The following TENM2 variants were observed in gnomAD, a reference collection of about 807,000 sequenced individuals.
TENM2 encodes teneurin-2.
Under a neutral mutation model 245.2 loss-of-function variants are expected in TENM2, and 52 were observed. That is an observed-to-expected ratio of 0.21 (90% CI 0.17 to 0.27). The LOEUF (loss-of-function observed/expected upper bound fraction) is 0.27. TENM2 is among the 10% of genes least tolerant of loss of function. The pLI, the probability that TENM2 is intolerant of heterozygous loss-of-function variation, is 1.00. For synonymous variants in TENM2, 1,363 were observed against 1,438.9 expected, an observed-to-expected ratio of 0.95 and a Z score of 1.19; for missense variants, 3,046 against 3,666.8, an observed-to-expected ratio of 0.83 and a Z score of 4.37.
chr5:167,346,375 G>T (rs932699746), intron 1 of TENM2, among the ~76,000 whole-genome samples: 4 of 152,098 alleles, frequency 2.6e-5, no homozygotes, highest in Non-Finnish European at 4.4e-5. Flanking sequence ...AGAGAATGAG[G>T]GAAGTAATGA....
intron 8 of TENM2, among the ~76,000 whole-genome samples, chr5:168,094,944 G>A (rs1489492813): frequency 1.3e-5 from 2 of 151,868 alleles, no homozygotes; most frequent in Non-Finnish European, 2.9e-5. Context: ...AACTGTGCAT[G>A]CGAGGGATCT....
chr5:167,785,737 G>T (rs1456832418), intron 2 of TENM2, among the ~76,000 whole-genome samples: 1 of 152,164 alleles, frequency 6.6e-6, no homozygotes, highest in Admixed American at 6.5e-5. Context: ...TTAGAAACTG[G>T]CAAATCAGAG....
chr5:167,829,909 A>C (rs1179894629), intron 2 of TENM2, among the ~76,000 whole-genome samples: 1 of 152,206 alleles, frequency 6.6e-6, no homozygotes, highest in African/African-American at 2.4e-5. Context: ...AGTGAAGGCC[A>C]CAAAGGGCTG....
intron 13 of TENM2, among the ~76,000 whole-genome samples, chr5:168,168,575 TC>T (rs1562240680): frequency 6.6e-6 from 1 of 151,550 alleles, no homozygotes; most frequent in Non-Finnish European, 1.5e-5. Flanking sequence ...TTCCAGCTAC[TC>T]AGGAGGCCGA....
At chr5:167,044,035 CAGAAGGAA>C in the TENM2 span, among the ~76,000 whole-genome samples, 2 of 73,442 alleles carry the variant, frequency 2.7e-5, no homozygotes, top group Non-Finnish European at 6.4e-5. Flanking sequence ...ATAGTAAGGA[CAGAAGGAA>C]GGAAGGAAGG....
chr5:167,577,678 C>T (rs1207191128), intron 2 of TENM2, among the ~76,000 whole-genome samples: 1 of 151,766 alleles, frequency 6.6e-6, no homozygotes, highest in East Asian at 1.9e-4. Context: ...ATTCTACTTT[C>T]TAGTAAAGTT....
At chr5:167,895,000 A>AG (rs1775097606) in intron 3 of TENM2, among the ~76,000 whole-genome samples, 2 of 111,642 alleles carry the variant, frequency 1.8e-5, no homozygotes, top group East Asian at 3.4e-4. Context: ...GAGGGAAGGA[A>AG]GGAAGGAAGG....
the TENM2 span, among the ~76,000 whole-genome samples, chr5:167,227,468 G>T: frequency 6.6e-6 from 1 of 151,874 alleles, no homozygotes; most frequent in Non-Finnish European, 1.5e-5. Flanking sequence ...GAATTCCCTC[G>T]GTCTTTACTT....
intron 4 of TENM2, among the ~76,000 whole-genome samples, chr5:167,974,527 T>C (rs944552319): frequency 2.5e-4 from 38 of 152,296 alleles, no homozygotes; most frequent in African/African-American, 7.0e-4. Flanking sequence ...TTGATAATTA[T>C]CTGCATAACA....
exon 24 of TENM2, chr5:168,226,153 G>T: frequency 6.2e-7 from 1 of 1,613,578 alleles, no homozygotes; most frequent in African/African-American, 1.3e-5. Context: ...AGTCTGCACC[G>T]GGAAATGGAG....
chr5:166,992,909 C>T, the TENM2 span, among the ~76,000 whole-genome samples: 2 of 152,144 alleles, frequency 1.3e-5, no homozygotes, highest in African/African-American at 4.8e-5. Context: ...ATAAAGCTTC[C>T]TCAGCTAAGT....
chr5:167,932,926 G>A (rs980193265), intron 3 of TENM2, among the ~76,000 whole-genome samples: 4 of 152,140 alleles, frequency 2.6e-5, no homozygotes, highest in Non-Finnish European at 5.9e-5. Flanking sequence ...ATTGAAAAGA[G>A]CTAAACTCTA....
the TENM2 span, among the ~76,000 whole-genome samples, chr5:167,155,910 A>G: frequency 5.3e-5 from 8 of 152,188 alleles, no homozygotes; most frequent in Non-Finnish European, 1.0e-4. Flanking sequence ...CTCTTCTTCT[A>G]AACGATTCCC....
intron 5 of TENM2, among the ~76,000 whole-genome samples, chr5:168,040,757 A>T (rs1311373644): frequency 2.0e-5 from 3 of 152,228 alleles, no homozygotes; most frequent in Non-Finnish European, 4.4e-5. Flanking sequence ...AATACATTGC[A>T]GTGGGCCCCC....
rs370751824 is a variant in TENM2, at chr5:168,243,639, A to C, written c.5521-781A>C. On this transcript the variant is annotated intron_variant, in intron 25 of 28. Coordinates refer to ENST00000518659, the Ensembl canonical transcript of TENM2. The stretch of plus-strand genomic sequence containing the variant: ...AGCTTCTCAGCTAATGATGTGCCAA[A>C]AAGAGTTCCAAGTGTGCAAATATGC... Among the ~76,000 whole-genome samples the C allele has an allele frequency of 1.4e-4, 22 of 152,350 alleles. No individual in the cohort carries two copies. In the East Asian group the frequency reaches 4.1e-3, roughly 28 times the overall value.
At chr5:167,894,669 A>G (rs774259907) in intron 3 of TENM2, among the ~76,000 whole-genome samples, 1 of 151,976 alleles carries the variant, frequency 6.6e-6, no homozygotes, top group Non-Finnish European at 1.5e-5. Flanking sequence ...TCAACACCCA[A>G]CAGTGCCCTG....
intron 3 of TENM2, among the ~76,000 whole-genome samples, chr5:167,917,380 C>G (rs1777034286): frequency 6.6e-6 from 1 of 152,060 alleles, no homozygotes; most frequent in African/African-American, 2.4e-5. Flanking sequence ...ATTGGGCGCT[C>G]TAAACCCAGT....
Position 167,326,709 on chromosome 5 carries a change from A to G in TENM2, c.226+41646A>G, listed in dbSNP as rs1457874640. ...TAATTATAATAATAAATAAATATAT[A>G]TATATATATATATAAAATAAAGTCA... On this transcript the variant is annotated intron_variant, in intron 1 of 28. Coordinates refer to ENST00000518659, the Ensembl canonical transcript of TENM2. Among the ~76,000 whole-genome samples, 12 of 147,476 alleles carry G rather than the reference A, an allele frequency of 8.1e-5. No homozygotes were observed. The South Asian group carries it at 1.9e-3, about 23-fold the overall frequency.
intron 2 of TENM2, among the ~76,000 whole-genome samples, chr5:167,858,388 C>G (rs967890663): frequency 1.3e-5 from 2 of 152,208 alleles, no homozygotes; most frequent in Non-Finnish European, 2.9e-5. Flanking sequence ...TTACAAGTTG[C>G]CCACATGAAC....
Sources: allele counts gnomAD v4.1 joint callset (sites outside exome capture counted in the v4.1 genomes callset), GRCh38; gene constraint gnomAD v4.1.1; transcripts MANE v1.5; gene names NCBI Gene and HGNC (gene_info 2026-07-23, HGNC 2026-07-21).